The following NET1 variants were observed in gnomAD, a reference collection of about 807,000 sequenced individuals.
NET1 encodes the protein neuroepithelial cell-transforming gene 1 protein.
A neutral mutation model predicts 61.1 loss-of-function variants in NET1; 42 were observed. That is an observed-to-expected ratio of 0.69 (90% CI 0.54 to 0.89). NET1 has a LOEUF of 0.89. NET1 is among the 40% of genes least tolerant of loss of function. NET1 has a pLI of 0.00. For synonymous variants in NET1, 254 were observed against 281.8 expected (o/e 0.90, Z 0.99); for missense variants, 654 against 747.3 (o/e 0.88, Z 1.46).
At chr10:5,430,080 A>G (rs946893654) in intron 3 of NET1, among the ~76,000 whole-genome samples, 1 of 152,170 alleles carries the variant, frequency 6.6e-6, no homozygotes, top group African/African-American at 2.4e-5. Context: ...GTCTTCATAG[A>G]AGAATTATGT....
At chr10:5,436,283 A>G (rs1369724795) in intron 3 of NET1, among the ~76,000 whole-genome samples, 24 of 62,004 alleles carry the variant, frequency 3.9e-4, no homozygotes, top group South Asian at 6.8e-4. Flanking sequence ...TTTAATGTGG[A>G]GTTTTGCTCT....
intron 3 of NET1, among the ~76,000 whole-genome samples, chr10:5,432,355 T>G (rs1832361781): frequency 6.6e-6 from 1 of 152,274 alleles, no homozygotes; most frequent in Non-Finnish European, 1.5e-5. Flanking sequence ...AGACATTGAT[T>G]TAATTATGCA....
chr10:5,454,492 G>T lies in NET1; in HGVS notation c.996G>T (p.Glu332Asp). The T allele has an allele frequency of 6.2e-7, 1 of 1,614,006 alleles. No individual in the cohort carries two copies. The highest frequency in any genetic ancestry group is 8.5e-7 in the Non-Finnish European group (1 of 1,180,006). Residue 332 changes from glutamate (E) to aspartate (D), a missense_variant, in exon 9 of 12, where the codon GAG (glutamate) becomes GAT (aspartate). Glu to Asp is a conservative substitution (Grantham distance 45). Coordinates refer to ENST00000355029, the MANE Select transcript of NET1 (RefSeq NM_001047160.3). The surrounding 1 kb of genome is among the most constrained non-coding windows in gnomAD (Gnocchi z 8.1). ...LKEILKHTPK[E>D]HPDVQLLEDA... Reference sequence around the variant, plus strand: ...AAATTCTTAAACACACTCCAAAAGAGCACCCTGATGTTCAGCTTCTGGAGG... The same window carrying T: ...AAATTCTTAAACACACTCCAAAAGATCACCCTGATGTTCAGCTTCTGGAGG...
rs773238555 is a variant in NET1 at position 5,455,002 on chromosome 10, G to A, written c.1081G>A (p.Glu361Lys). ...SDINLKKGESECQYYIDKLEY... is the reference protein window; with the variant it reads ...SDINLKKGESKCQYYIDKLEY... ...TATCAACTTGAAGAAAGGTGAATCC[G>A]AGTGCCAGTATTACATCGACAAGCT... Residue 361 changes from glutamate to lysine, a missense_variant, in exon 10 of 12, where the codon GAG (glutamate) becomes AAG (lysine). Glu to Lys is a moderately conservative substitution (Grantham distance 56). Coordinates refer to ENST00000355029, the MANE Select transcript of NET1 (RefSeq NM_001047160.3). The surrounding 1 kb of genome is among the most constrained non-coding windows in gnomAD (Gnocchi z 6.5). 9.3e-6 allele frequency: 15 copies of A among 1,614,060 alleles called. No homozygotes were observed. The highest frequency in any genetic ancestry group is 8.3e-5 in the Admixed American group (5 of 60,032).
At position 5,451,931 on chromosome 10, in the gene NET1, A is replaced by G. The variant is rs780946503; in HGVS notation, c.357A>G (p.Thr119=). ...RNGAVRRFGQ[T]IQSFTLRGDH... ...GAGCTGTCAGACGTTTTGGTCAAAC[A>G]ATACAGGTAAAAAGAGAGGAGGAAG... Residue 119 remains threonine (T), a synonymous_variant, in exon 4 of 12, where the codon ACA becomes ACG. Coordinates refer to ENST00000355029, the MANE Select transcript of NET1 (RefSeq NM_001047160.3). The surrounding 1 kb of genome is among the most constrained non-coding windows in gnomAD (Gnocchi z 6.1). 1 of 1,612,048 alleles carries G rather than the reference A, an allele frequency of 6.2e-7. No homozygotes were observed. The highest frequency in any genetic ancestry group is 1.1e-5 in the South Asian group (1 of 91,010).
rs1314598777 is a variant in NET1 at position 5,412,881 on chromosome 10, C to G, written c.128+61C>G. 3.1e-6 allele frequency: 2 copies of G among 635,854 alleles called. No individual in the cohort carries two copies. Among genetic ancestry groups the G allele is most frequent in the Non-Finnish European group, 3.9e-6 (2 of 517,266 alleles). 39.4% of individuals were successfully genotyped at this position (635,854 alleles called of 1,614,324 possible). On this transcript the variant is annotated intron_variant, in intron 1 of 11. Coordinates refer to ENST00000355029, the MANE Select transcript of NET1 (RefSeq NM_001047160.3). The surrounding 1 kb of genome is among the most constrained non-coding windows in gnomAD (Gnocchi z 6.5). ...GAGTGTAGGGGAGCGGAGGGCCGAA[C>G]GGGAGGTGAGTGTTGGAGAGGCAAG...
chr10:5,427,034 T>C lies in NET1; in HGVS notation c.195+313T>C, dbSNP rs1338228072. Among the ~76,000 whole-genome samples, 2 of 152,162 alleles carry C rather than the reference T, an allele frequency of 1.3e-5. No homozygotes were observed. Among genetic ancestry groups the C allele is most frequent in the East Asian group, 3.8e-4 (2 of 5,206 alleles). ...ATTATGAAACATGAAATTATTTTTA[T>C]ACATCCTCTACTGCCTTTTTTTCTT... On this transcript the variant is annotated intron_variant, in intron 2 of 11. Transcript: ENST00000355029. The surrounding 1 kb of genome is among the most constrained non-coding windows in gnomAD (Gnocchi z 4.1).
rs1832179679 is a variant in NET1, at chr10:5,421,957, T to A, written c.129-4698T>A. Among the ~76,000 whole-genome samples, 1 of 152,266 alleles carries A rather than the reference T, an allele frequency of 6.6e-6. No individual in the cohort carries two copies. The highest frequency in any genetic ancestry group is 1.5e-5 in the Non-Finnish European group (1 of 68,052). On this transcript the variant is annotated intron_variant, in intron 1 of 11. Transcript: ENST00000355029. The surrounding 1 kb of genome is among the most constrained non-coding windows in gnomAD (Gnocchi z 4.2). ...TATTCCATTATATGAATATACTACATTTTGTCAACTCCATTTACCAGCTGT... is the reference window on the plus strand; with the variant it reads ...TATTCCATTATATGAATATACTACAATTTGTCAACTCCATTTACCAGCTGT...
In NET1 at chr10:5,423,438, A is replaced by G. The variant is rs1329476868; in HGVS notation, c.129-3217A>G. ...AGACTAAACCTAATTTAGTGTAAAT[A>G]CATTGTTCAAAAACATACCAAATGA... On this transcript the variant is annotated intron_variant, in intron 1 of 11. Transcript: ENST00000355029. The surrounding 1 kb of genome is among the most constrained non-coding windows in gnomAD (Gnocchi z 4.4). Among the ~76,000 whole-genome samples, 2 of 152,164 alleles carry G rather than the reference A, an allele frequency of 1.3e-5. No individual in the cohort carries two copies. Among genetic ancestry groups the G allele is most frequent in the Admixed American group, 6.5e-5 (1 of 15,280 alleles).
rs180681077 is a variant in NET1 at position 5,443,122 on chromosome 10, A to G, written c.256-8708A>G. Reference sequence around the variant, plus strand: ...TACTGTTAACTTAGGTCACTAACATATACTGAGCACCTAGTGTGTCTCAGA... The same window carrying G: ...TACTGTTAACTTAGGTCACTAACATGTACTGAGCACCTAGTGTGTCTCAGA... On this transcript the variant is annotated intron_variant, in intron 3 of 11. Coordinates refer to ENST00000355029, the MANE Select transcript of NET1 (RefSeq NM_001047160.3). The surrounding 1 kb of genome is among the most constrained non-coding windows in gnomAD (Gnocchi z 4.8). 6.6e-6 allele frequency among the ~76,000 whole-genome samples: 1 copy of G among 151,366 alleles called. No homozygotes were observed.
In NET1 at chr10:5,416,985, A is replaced by G. The variant is rs1459898459; in HGVS notation, c.128+4165A>G. On this transcript the variant is annotated intron_variant, in intron 1 of 11. Coordinates refer to ENST00000355029, the MANE Select transcript of NET1 (RefSeq NM_001047160.3). The surrounding 1 kb of genome is among the most constrained non-coding windows in gnomAD (Gnocchi z 6.1). Reference sequence around the variant, plus strand: ...GTTCTTGCCTTGATGTACTGGAACAATCAGATGACACGTTGGCTTGGATAA... The same window carrying G: ...GTTCTTGCCTTGATGTACTGGAACAGTCAGATGACACGTTGGCTTGGATAA... Among the ~76,000 whole-genome samples the G allele has an allele frequency of 1.3e-5, 2 of 152,214 alleles. No homozygotes were observed. The highest frequency in any genetic ancestry group is 1.3e-4 in the Admixed American group (2 of 15,286).
Position 5,431,323 on chromosome 10 carries a change from T to C in NET1, c.255+2094T>C, listed in dbSNP as rs113203824. 6.6e-6 allele frequency among the ~76,000 whole-genome samples: 1 copy of C among 152,382 alleles called. No homozygotes were observed. Among genetic ancestry groups the C allele is most frequent in the Non-Finnish European group, 1.5e-5 (1 of 68,040 alleles). On this transcript the variant is annotated intron_variant, in intron 3 of 11. Coordinates refer to ENST00000355029, the MANE Select transcript of NET1 (RefSeq NM_001047160.3). The surrounding 1 kb of genome is among the most constrained non-coding windows in gnomAD (Gnocchi z 4.9). ...TTATGATTGCATCCCCATGGTATCA[T>C]TGACTATGTTCCTCTATTCCCTGTA... is the stretch of plus-strand genomic sequence containing the variant.
chr10:5,429,388 C>A (rs1465884072), intron 3 of NET1, among the ~76,000 whole-genome samples, 159 bp downstream of exon 3: 1 of 152,076 alleles, frequency 6.6e-6, no homozygotes, highest in African/African-American at 2.4e-5. Flanking sequence ...TTCATAGACA[C>A]CGTCTTTTTT....
rs1242896004 is a variant in NET1, at chr10:5,441,102, C to G, written c.256-10728C>G. 1.3e-5 allele frequency among the ~76,000 whole-genome samples: 2 copies of G among 152,198 alleles called. No homozygotes were observed. The highest frequency in any genetic ancestry group is 4.8e-5 in the African/African-American group (2 of 41,454). On this transcript the variant is annotated intron_variant, in intron 3 of 11. Coordinates refer to ENST00000355029, the MANE Select transcript of NET1 (RefSeq NM_001047160.3). This position sits in a 1 kb window ranked among gnomAD's most constrained non-coding sequence, Gnocchi z 4.6. ...CACTACTGTGGGCAGTGGGGTAGAT[C>G]TCTCTGGAACCCTCTGAAGAGCTGT... is the stretch of plus-strand genomic sequence containing the variant.
chr10:5,453,588 A>ACAGTTTCTTACAGATGTGCCATGTTG lies in NET1; in HGVS notation c.768+37_768+62dup, dbSNP rs1412219964. 1 of 1,576,322 alleles carries ACAGTTTCTTACAGATGTGCCATGTTG rather than the reference A, an allele frequency of 6.3e-7. No homozygotes were observed. The highest frequency in any genetic ancestry group is 8.7e-7 in the Non-Finnish European group (1 of 1,145,718). On this transcript the variant is annotated intron_variant, in intron 8 of 11. Coordinates refer to ENST00000355029, the MANE Select transcript of NET1 (RefSeq NM_001047160.3). This position sits in a 1 kb window ranked among gnomAD's most constrained non-coding sequence, Gnocchi z 4.9. ...ATGTAGTGAGTTGTTGACCCCAGAT[A>ACAGTTTCTTACAGATGTGCCATGTTG]CAGTTTCTTACAGATGTGCCATGTT...
At chr10:5,413,823 A>G (rs1469230781) in intron 1 of NET1, among the ~76,000 whole-genome samples, 1 of 152,230 alleles carries the variant, frequency 6.6e-6, no homozygotes, top group African/African-American at 2.4e-5. Context: ...TGCCAACACT[A>G]GGAATATGGA....
In NET1 at chr10:5,422,234, G is replaced by C. The variant is rs1190715167; in HGVS notation, c.129-4421G>C. ...CCCCTGTAATCCTAGCTACTCGGGA[G>C]ATTGAGGCAGGAGAATCGCTTGAAC... On this transcript the variant is annotated intron_variant, in intron 1 of 11. Transcript: ENST00000355029. The surrounding 1 kb of genome is among the most constrained non-coding windows in gnomAD (Gnocchi z 4.1). Among the ~76,000 whole-genome samples the C allele has an allele frequency of 6.6e-6, 1 of 152,014 alleles. No homozygotes were observed. Among genetic ancestry groups the C allele is most frequent in the Non-Finnish European group, 1.5e-5 (1 of 68,010 alleles).
rs1156351513 is a variant in NET1, at chr10:5,415,996, T to G, written c.128+3176T>G. On this transcript the variant is annotated intron_variant, in intron 1 of 11. Coordinates refer to ENST00000355029, the MANE Select transcript of NET1 (RefSeq NM_001047160.3). This position sits in a 1 kb window ranked among gnomAD's most constrained non-coding sequence, Gnocchi z 4.7. Reference sequence around the variant, plus strand: ...CCATTGTTATGAATCCTTTCCCCAGTGCTTTCTTCTGAGAATTTTATCATT... The same window carrying G: ...CCATTGTTATGAATCCTTTCCCCAGGGCTTTCTTCTGAGAATTTTATCATT... 6.6e-6 allele frequency among the ~76,000 whole-genome samples: 1 copy of G among 152,200 alleles called. No individual in the cohort carries two copies. Among genetic ancestry groups the G allele is most frequent in the Non-Finnish European group, 1.5e-5 (1 of 68,026 alleles).
rs114159133 is a variant in NET1 at position 5,452,688 on chromosome 10, C to G, written c.531+163C>G. The G allele has an allele frequency of 1.8e-3, 1,662 of 921,978 alleles. 14 individuals carry two copies. In the African/African-American group the frequency reaches 0.025, roughly 14 times the overall value. 57.1% of individuals were successfully genotyped at this position (921,978 alleles called of 1,614,324 possible). A position where few individuals can be genotyped will look rare whatever the true frequency, so the allele number is the denominator to read the frequency against. On this transcript the variant is annotated intron_variant, in intron 5 of 11. Transcript: ENST00000355029. The surrounding 1 kb of genome is among the most constrained non-coding windows in gnomAD (Gnocchi z 4.0). The stretch of plus-strand genomic sequence containing the variant: ...AATTAAACAACTCTAATAGGGTAAA[C>G]TTACCAAACATACGGCAACCTTGTA...
Sources: gnomAD v4.1 joint callset for allele counts (sites outside exome capture counted in the v4.1 genomes callset) on GRCh38, gnomAD v4.1.1 for gene constraint, Gnocchi (gnomAD v3.1) non-coding constraint, MANE v1.5 for transcripts, NCBI Gene and HGNC (gene_info 2026-07-23, HGNC 2026-07-21) for gene names.